Variants in CYRIA observed in about 807,000 individuals in gnomAD.
The protein encoded by CYRIA is CYFIP-related Rac1 interactor A.
A neutral mutation model predicts 43.9 loss-of-function variants in CYRIA; 15 were observed. The observed-to-expected ratio is 0.34, with a 90% CI of 0.23 to 0.53. The LOEUF is 0.53. Ranked by LOEUF, CYRIA falls within the 20% of genes least tolerant of loss-of-function variation. The pLI is 0.94. For missense variants in CYRIA, 236 were observed against 394.2 expected (o/e 0.60, Z 3.40); for synonymous variants, 117 against 136.0 (o/e 0.86, Z 0.97).
At chr2:16,561,927 A>G (rs941320727) in intron 6 of CYRIA, 78 bp downstream of exon 6, 44 of 1,414,842 alleles carry the variant, frequency 3.1e-5, no homozygotes, top group Non-Finnish European at 4.0e-5. Flanking sequence ...CACCCACCCC[A>G]CAGCACTAAC....
intron 2 of CYRIA, among the ~76,000 whole-genome samples, chr2:16,616,398 C>T (rs1668793466): frequency 6.6e-6 from 1 of 152,214 alleles, no homozygotes; most frequent in African/African-American, 2.4e-5. Flanking sequence ...CTACGTCACC[C>T]TTTGTCAACT....
At chr2:16,569,133 A>G (rs1186638467) in intron 3 of CYRIA, among the ~76,000 whole-genome samples, 1 of 152,206 alleles carries the variant, frequency 6.6e-6, no homozygotes, top group Non-Finnish European at 1.5e-5. Flanking sequence ...CAGCACTGAC[A>G]TTTATATGAC....
intron 1 of CYRIA, among the ~76,000 whole-genome samples, chr2:16,649,614 G>A (rs747274246): frequency 1.1e-4 from 17 of 151,650 alleles, no homozygotes; most frequent in African/African-American, 1.7e-4. Flanking sequence ...GGGCATGGTT[G>A]TACAGTACAG....
At chr2:16,656,747 G>A (rs1196497853) in intron 1 of CYRIA, among the ~76,000 whole-genome samples, 2 of 152,242 alleles carry the variant, frequency 1.3e-5, no homozygotes, top group Non-Finnish European at 2.9e-5. Flanking sequence ...AGAGAAAACA[G>A]GAGAGAAATG....
At position 16,644,874 on chromosome 2, in the gene CYRIA, C is replaced by T. The variant is rs147646970; in HGVS notation, c.-166-20855G>A. Among the ~76,000 whole-genome samples, 473 of 152,270 alleles carry T rather than the reference C, an allele frequency of 3.1e-3. 5 individuals are homozygous for T. Among genetic ancestry groups the T allele is most frequent in the African/African-American group, 0.01 (432 of 41,540 alleles). ...CCCTGCCCCACCAACCCCCCACACA[C>T]GGAGCCACAACCACTCAGTCTCATA... On this transcript the variant is annotated intron_variant, in intron 1 of 11. Coordinates refer to ENST00000381323, the MANE Select transcript of CYRIA (RefSeq NM_030797.4).
intron 1 of CYRIA, among the ~76,000 whole-genome samples, chr2:16,653,757 C>A (rs906606769): frequency 2.0e-5 from 3 of 152,082 alleles, no homozygotes; most frequent in South Asian, 4.1e-4. Flanking sequence ...AGGTTTATGG[C>A]GAATGTTACA....
At chr2:16,565,806 T>C in intron 3 of CYRIA, 39 bp from the exon 4 acceptor site, 1 of 1,500,022 alleles carries the variant, frequency 6.7e-7, no homozygotes, top group South Asian at 1.3e-5. Context: ...GTGCTGGTGT[T>C]TACAAATAGC....
At chr2:16,652,754 A>T (rs1267536605) in intron 1 of CYRIA, among the ~76,000 whole-genome samples, 1 of 152,112 alleles carries the variant, frequency 6.6e-6, no homozygotes, top group Non-Finnish European at 1.5e-5. Context: ...CCCAGCAGGG[A>T]TCGGATGAGC....
intron 1 of CYRIA, among the ~76,000 whole-genome samples, chr2:16,647,306 G>A (rs1669847883): frequency 6.6e-6 from 1 of 152,114 alleles, no homozygotes; most frequent in Non-Finnish European, 1.5e-5. Flanking sequence ...AAATAAACAA[G>A]TATATTCAAA....
At chr2:16,593,683 T>A (rs1264874683) in intron 2 of CYRIA, among the ~76,000 whole-genome samples, 1 of 138,560 alleles carries the variant, frequency 7.2e-6, no homozygotes, top group African/African-American at 2.8e-5. Flanking sequence ...TAACTTTATT[T>A]TTTTGTGTGT....
At chr2:16,588,458 A>G (rs949456431) in intron 2 of CYRIA, among the ~76,000 whole-genome samples, 8 of 151,794 alleles carry the variant, frequency 5.3e-5, no homozygotes, top group African/African-American at 1.9e-4. Flanking sequence ...AGAACAGCCT[A>G]TGAAAAGAAT....
intron 2 of CYRIA, among the ~76,000 whole-genome samples, chr2:16,592,411 A>T (rs1667962921): frequency 6.6e-6 from 1 of 151,980 alleles, no homozygotes; most frequent in African/African-American, 2.4e-5. Context: ...CCTGCTTTGG[A>T]GAGTGGCATT....
chr2:16,653,847 C>A (rs1005773320), intron 1 of CYRIA, among the ~76,000 whole-genome samples: 2 of 152,142 alleles, frequency 1.3e-5, no homozygotes, highest in East Asian at 1.9e-4. Flanking sequence ...TGTGATCCTG[C>A]GTAAATCACA....
intron 3 of CYRIA, among the ~76,000 whole-genome samples, chr2:16,568,217 T>C (rs1667011426): frequency 7.2e-6 from 1 of 138,452 alleles, no homozygotes; most frequent in Non-Finnish European, 1.5e-5. Flanking sequence ...ATGCAACTAT[T>C]TCAAAATCAG....
chr2:16,619,874 C>G (rs966124375), intron 2 of CYRIA, among the ~76,000 whole-genome samples: 4 of 152,196 alleles, frequency 2.6e-5, no homozygotes, highest in African/African-American at 9.7e-5. Flanking sequence ...CTGAGCATCT[C>G]TCTTCCAGCT....
chr2:16,565,433 G>A (rs540754099), intron 4 of CYRIA, among the ~76,000 whole-genome samples: 1 of 152,256 alleles, frequency 6.6e-6, no homozygotes, highest in East Asian at 1.9e-4. Flanking sequence ...TGATCCACCT[G>A]CCTCAGCCTC....
chr2:16,631,611 T>C (rs1264985563), intron 1 of CYRIA, among the ~76,000 whole-genome samples: 3 of 152,212 alleles, frequency 2.0e-5, no homozygotes, highest in African/African-American at 7.2e-5. Flanking sequence ...CTTAGTTGCC[T>C]TATCTGCAAA....
intron 5 of CYRIA, among the ~76,000 whole-genome samples, chr2:16,562,474 T>A (rs1389474909): frequency 6.6e-6 from 1 of 152,134 alleles, no homozygotes; most frequent in Non-Finnish European, 1.5e-5. Flanking sequence ...GAGACAGCCA[T>A]TCATGATTCA....
At chr2:16,633,756 C>T (rs1427047161) in intron 1 of CYRIA, among the ~76,000 whole-genome samples, 1 of 151,896 alleles carries the variant, frequency 6.6e-6, no homozygotes, top group Non-Finnish European at 1.5e-5. Context: ...TGGCCCTGTC[C>T]TCTGCAGAAA....
Sources: allele counts gnomAD v4.1 joint callset (sites outside exome capture counted in the v4.1 genomes callset), GRCh38; gene constraint gnomAD v4.1.1; transcripts MANE v1.5; gene names NCBI Gene and HGNC (gene_info 2026-07-23, HGNC 2026-07-21).